RBFOX1: variants seen among roughly 807,000 people sequenced by gnomAD.
RBFOX1 encodes RNA binding fox-1 homolog 1, also known as RNA binding protein fox-1 homolog 1.
A neutral mutation model predicts 57.7 loss-of-function variants in RBFOX1; 8 were observed. That is an observed-to-expected ratio of 0.14 (90% CI 0.08 to 0.25). The LOEUF is 0.25. RBFOX1 is among the 10% of genes least tolerant of loss of function. The probability of loss-of-function intolerance (pLI) is 1.00; values close to 1 mark genes in which losing one functional copy is unlikely to be tolerated. For missense variants in RBFOX1, 611 were observed against 548.5 expected (o/e 1.11, Z -1.14); for synonymous variants, 326 against 222.4 (o/e 1.47, Z -4.15).
At chr16:6,010,974 G>A (rs2094957814) in intron 4 of RBFOX1, among the ~76,000 whole-genome samples, 1 of 152,034 alleles carries the variant, frequency 6.6e-6, no homozygotes, top group South Asian at 2.1e-4. Flanking sequence ...TTTACTTCTT[G>A]GAGCATCTAT....
chr16:7,593,401 A>G (rs2152934058), intron 7 of RBFOX1, among the ~76,000 whole-genome samples: 1 of 152,276 alleles, frequency 6.6e-6, no homozygotes, highest in African/African-American at 2.4e-5. Flanking sequence ...AATCATTTCC[A>G]AACTATACAG....
chr16:6,150,849 C>T (rs1199150565), intron 1 of RBFOX1, among the ~76,000 whole-genome samples: 5 of 152,152 alleles, frequency 3.3e-5, no homozygotes, highest in African/African-American at 4.8e-5. Flanking sequence ...CACCTGAGAC[C>T]ATTTGCAGCA....
At position 5,884,451 on chromosome 16, in the gene RBFOX1, C is replaced by T. The variant is rs369107892; in HGVS notation, c.351+17116C>T. Among the ~76,000 whole-genome samples the T allele has an allele frequency of 6.5e-3, 965 of 148,176 alleles. 6 individuals carry two copies. The highest frequency in any genetic ancestry group is 0.011 in the South Asian group (49 of 4,478). On this transcript the variant is annotated intron_variant, in intron 4 of 19. Transcript: ENST00000641259. ...ATCCATCTGTTCCACCGCCCCGCCC[C>T]CCGCTCCCCACCACCCCCCTACCCC... is the stretch of plus-strand genomic sequence containing the variant.
At chr16:6,148,004 C>A (rs1422388614) in intron 1 of RBFOX1, among the ~76,000 whole-genome samples, 1 of 152,220 alleles carries the variant, frequency 6.6e-6, no homozygotes, top group Admixed American at 6.5e-5. Context: ...TCAGACCCTC[C>A]CTTTGGCAGA....
At chr16:7,131,889 G>A (rs1003427849) in intron 4 of RBFOX1, among the ~76,000 whole-genome samples, 1 of 152,068 alleles carries the variant, frequency 6.6e-6, no homozygotes, top group African/African-American at 2.4e-5. Flanking sequence ...CTTCTAGGGG[G>A]TGAGAGGCTT....
At chr16:7,706,984 T>C (rs2082666026) in intron 14 of RBFOX1, among the ~76,000 whole-genome samples, 1 of 152,182 alleles carries the variant, frequency 6.6e-6, no homozygotes, top group Admixed American at 6.5e-5. Flanking sequence ...TAATCGTTGA[T>C]TAAAGGCCAT....
intron 2 of RBFOX1, among the ~76,000 whole-genome samples, chr16:6,507,708 T>C (rs1184348835): frequency 6.6e-6 from 1 of 151,820 alleles, no homozygotes; most frequent in Admixed American, 6.6e-5. Context: ...CTAAGAGAGA[T>C]AAGATAGTCA....
intron 1 of RBFOX1, among the ~76,000 whole-genome samples, chr16:5,248,978 A>ATGTT (rs2062374895): frequency 9.0e-6 from 1 of 110,904 alleles, no homozygotes; most frequent in African/African-American, 3.8e-5. Context: ...ACAGAGCAAG[A>ATGTT]CTCCATCTCA....
At chr16:6,672,534 A>G (rs1190464076) in intron 3 of RBFOX1, among the ~76,000 whole-genome samples, 1 of 151,284 alleles carries the variant, frequency 6.6e-6, no homozygotes, top group Non-Finnish European at 1.5e-5. Context: ...AAGAAAAGAA[A>G]GAACAGGAGA....
At chr16:6,956,075 T>C (rs565695671) in intron 3 of RBFOX1, among the ~76,000 whole-genome samples, 5 of 152,278 alleles carry the variant, frequency 3.3e-5, no homozygotes, top group African/African-American at 9.6e-5. Flanking sequence ...TTTAGTGAGT[T>C]ACCTTCCCTT....
intron 3 of RBFOX1, among the ~76,000 whole-genome samples, chr16:6,839,529 G>C (rs568433153): frequency 2.8e-4 from 43 of 152,308 alleles, no homozygotes; most frequent in African/African-American, 9.9e-4. Flanking sequence ...ATTTTAATCA[G>C]ACAGACAAGG....
At chr16:6,309,107 G>A (rs780040624) in intron 1 of RBFOX1, among the ~76,000 whole-genome samples, 2 of 151,830 alleles carry the variant, frequency 1.3e-5, no homozygotes, top group Non-Finnish European at 1.5e-5. Context: ...CACTGCGTTC[G>A]CCTGTTTTGA....
intron 2 of RBFOX1, among the ~76,000 whole-genome samples, chr16:6,405,524 C>T (rs2093247634): frequency 6.6e-6 from 1 of 152,140 alleles, no homozygotes; most frequent in Admixed American, 6.5e-5. Flanking sequence ...GAATTGTACA[C>T]CAGCTGATCC....
intron 2 of RBFOX1, among the ~76,000 whole-genome samples, chr16:6,354,622 T>A (rs901278368): frequency 6.6e-6 from 1 of 152,176 alleles, no homozygotes; most frequent in Non-Finnish European, 1.5e-5. Flanking sequence ...CCTGACTGTA[T>A]ACTAGCTGCA....
At chr16:7,559,271 T>A (rs2089679945) in intron 5 of RBFOX1, among the ~76,000 whole-genome samples, 1 of 152,208 alleles carries the variant, frequency 6.6e-6, no homozygotes, top group African/African-American at 2.4e-5. Context: ...GAAATTCTGC[T>A]TTATGATTGT....
At chr16:5,300,121 A>C (rs1168550606) in intron 1 of RBFOX1, among the ~76,000 whole-genome samples, 2 of 151,966 alleles carry the variant, frequency 1.3e-5, no homozygotes, top group East Asian at 3.9e-4. Flanking sequence ...TTTTTGAGTC[A>C]TGAACCAATC....
intron 4 of RBFOX1, among the ~76,000 whole-genome samples, chr16:5,899,418 T>C (rs974138374): frequency 6.6e-6 from 1 of 152,118 alleles, no homozygotes; most frequent in African/African-American, 2.4e-5. Flanking sequence ...AAGCTGAGAC[T>C]GAATGATGAA....
intron 2 of RBFOX1, among the ~76,000 whole-genome samples, chr16:5,590,070 C>A (rs1288420406): frequency 4.1e-5 from 4 of 97,680 alleles, no homozygotes; most frequent in Admixed American, 1.7e-4. Flanking sequence ...CACACACACA[C>A]ACACACAAAA....
At chr16:5,470,891 A>G (rs936574517) in intron 2 of RBFOX1, among the ~76,000 whole-genome samples, 2 of 152,086 alleles carry the variant, frequency 1.3e-5, no homozygotes, top group Admixed American at 1.3e-4. Context: ...CGCTCTCGTC[A>G]CCCAGGCTGG....
Sources: allele counts gnomAD v4.1 joint callset (sites outside exome capture counted in the v4.1 genomes callset), GRCh38; gene constraint gnomAD v4.1.1; transcripts MANE v1.5; gene names NCBI Gene and HGNC (gene_info 2026-07-23, HGNC 2026-07-21).